Variants in MSN observed in about 807,000 individuals in gnomAD.
MSN encodes epididymis luminal protein 70.
In MSN, 2 loss-of-function variants were observed where a neutral mutation model predicts 48.0. That is an observed-to-expected ratio of 0.04 (90% CI 0.02 to 0.13). The LOEUF (loss-of-function observed/expected upper bound fraction) is 0.13, where lower values mean the gene tolerates loss of function less well. Ranked by LOEUF, MSN falls within the 10% of genes least tolerant of loss-of-function variation. The pLI is 1.00. For synonymous variants in MSN, 146 were observed against 166.9 expected (o/e 0.87, Z 0.97); for missense variants, 267 against 470.1 (o/e 0.57, Z 3.99).
intron 1 of MSN, among the ~76,000 whole-genome samples, chrX:65,661,628 A>C (rs756926706): frequency 2.7e-5 from 3 of 111,910 alleles, no homozygotes; most frequent in African/African-American, 9.7e-5. Context: ...GGCTTCACAG[A>C]ATTAGTTAGC....
chrX:65,641,568 A>T, intron 1 of MSN, among the ~76,000 whole-genome samples: 1 of 58,963 alleles, frequency 1.7e-5, no homozygotes, highest in East Asian at 6.3e-4. Context: ...ATATATATAT[A>T]TATATATATA....
rs140668252 is a variant in MSN, at chrX:65,596,276, A to G, written c.-22+7664A>G. 4.9e-3 allele frequency among the ~76,000 whole-genome samples: 549 copies of G among 111,365 alleles called. 4 individuals are homozygous for G. Among genetic ancestry groups the G allele is most frequent in the African/African-American group, 0.017 (526 of 30,617 alleles). On this transcript the variant is annotated intron_variant, in intron 1 of 3. Coordinates refer to the MSN transcript ENST00000609672. ...GGACCCCAGTGTCTTGGAATTAAAT[A>G]ACAGAGGTAGGGATGCAGTCCTTGC... is the stretch of plus-strand genomic sequence containing the variant.
In MSN at chrX:65,634,855, G is replaced by A. The variant is rs373427281; in HGVS notation, c.-22+46243G>A. ...TGGGCTCACTGCTGCTTGGGCTCAC[G>A]TACCTTGGGGCCTTCTGTCTGTTAT... On this transcript the variant is annotated intron_variant, in intron 1 of 3. Coordinates refer to the MSN transcript ENST00000609672. 5.7e-4 allele frequency among the ~76,000 whole-genome samples: 63 copies of A among 111,106 alleles called. No individual in the cohort carries two copies. The South Asian group carries it at 0.011, about 19-fold the overall frequency.
chrX:65,592,192 CTTTTTTT>C (rs1176549178), intron 1 of MSN, among the ~76,000 whole-genome samples: 9 of 76,901 alleles, frequency 1.2e-4, no homozygotes, highest in East Asian at 4.3e-4. Context: ...CTCTTCATCC[CTTTTTTT>C]TTTTTTTTTT....
At chrX:65,700,139 A>G (rs2071287587) in intron 1 of MSN, among the ~76,000 whole-genome samples, 1 of 111,891 alleles carries the variant, frequency 8.9e-6, no homozygotes, top group Non-Finnish European at 1.9e-5. Flanking sequence ...AAGGAACTAA[A>G]ATTTATGAAA....
intron 1 of MSN, among the ~76,000 whole-genome samples, chrX:65,599,131 A>T (rs1034476846): frequency 9.9e-6 from 1 of 100,934 alleles, no homozygotes; most frequent in Non-Finnish European, 2.0e-5. Context: ...ACTAAAAATT[A>T]AAAAAAAAAA....
At chrX:65,648,733 C>T (rs1199077773) in intron 1 of MSN, among the ~76,000 whole-genome samples, 3 of 103,845 alleles carry the variant, frequency 2.9e-5, no homozygotes, top group African/African-American at 7.1e-5. Flanking sequence ...CGTGGTGGCA[C>T]GCACTTGTAA....
At chrX:65,616,281 GT>G (rs1569454266) in intron 1 of MSN, among the ~76,000 whole-genome samples, 3 of 102,777 alleles carry the variant, frequency 2.9e-5, no homozygotes, top group Admixed American at 1.1e-4. Context: ...CATTGAATCT[GT>G]AAATTACCTT....
At chrX:65,713,966 G>A (rs2071438120) in intron 1 of MSN, among the ~76,000 whole-genome samples, 1 of 111,616 alleles carries the variant, frequency 9.0e-6, no homozygotes, top group Non-Finnish European at 1.9e-5. Flanking sequence ...TTTTAGTAGA[G>A]ATGGGGTTTC....
At chrX:65,685,526 G>A (rs933538717) in intron 1 of MSN, among the ~76,000 whole-genome samples, 2 of 112,281 alleles carry the variant, frequency 1.8e-5, no homozygotes, top group African/African-American at 6.5e-5. Context: ...AGGCTGGTCC[G>A]ATGGTAGTGG....
At chrX:65,635,660 G>A (rs2070592704) in intron 1 of MSN, among the ~76,000 whole-genome samples, 3 of 111,992 alleles carry the variant, frequency 2.7e-5, no homozygotes, top group Non-Finnish European at 3.8e-5. Context: ...GGATGCCAGA[G>A]GATTCACTGA....
intron 8 of MSN, among the ~76,000 whole-genome samples, chrX:65,735,709 G>A (rs960897182): frequency 8.9e-6 from 1 of 112,377 alleles, no homozygotes; most frequent in African/African-American, 3.2e-5. Context: ...AGGTACAAAG[G>A]CCATGTCATT....
At chrX:65,690,513 A>T (rs2071162111) in intron 1 of MSN, among the ~76,000 whole-genome samples, 1 of 111,884 alleles carries the variant, frequency 8.9e-6, no homozygotes, top group African/African-American at 3.3e-5. Context: ...GGGCGTGAGC[A>T]GACCAGTGGT....
intron 1 of MSN, among the ~76,000 whole-genome samples, chrX:65,658,541 C>A (rs1314895250): frequency 3.6e-5 from 4 of 111,686 alleles, no homozygotes; most frequent in African/African-American, 9.8e-5. Flanking sequence ...TGATGGGGAA[C>A]TTTCAATTGC....
chrX:65,703,813 C>A (rs1036788584), intron 1 of MSN, among the ~76,000 whole-genome samples: 1 of 112,095 alleles, frequency 8.9e-6, no homozygotes, highest in Non-Finnish European at 1.9e-5. Flanking sequence ...CTCAAGCGGT[C>A]TGCTTGCCTC....
chrX:65,615,845 C>T (rs1389406829), intron 1 of MSN, among the ~76,000 whole-genome samples: 7 of 111,310 alleles, frequency 6.3e-5, no homozygotes, highest in Admixed American at 9.6e-5. Context: ...TTAGGTCTAA[C>T]GTTTAAGTCT....
intron 12 of MSN, 62 bp downstream of exon 12, chrX:65,739,256 T>A (rs1258573784): frequency 9.7e-7 from 1 of 1,033,083 alleles, no homozygotes; most frequent in African/African-American, 1.8e-5. Flanking sequence ...CCCATGGCAT[T>A]CCCTAGACCA....
chrX:65,617,484 T>A (rs1399812297), intron 1 of MSN, among the ~76,000 whole-genome samples: 1 of 105,751 alleles, frequency 9.5e-6, no homozygotes, highest in Non-Finnish European at 1.9e-5. Flanking sequence ...ATTTTCTAGT[T>A]TATTTGCGTA....
At chrX:65,619,825 C>T (rs2070417058) in intron 1 of MSN, among the ~76,000 whole-genome samples, 1 of 108,545 alleles carries the variant, frequency 9.2e-6, no homozygotes, top group African/African-American at 3.6e-5. Context: ...CGTTTTTTCC[C>T]CATCTTTGTG....
Sources: gnomAD v4.1 joint callset for allele counts (sites outside exome capture counted in the v4.1 genomes callset) on GRCh38, gnomAD v4.1.1 for gene constraint, MANE v1.5 for transcripts, NCBI Gene and HGNC (gene_info 2026-07-23, HGNC 2026-07-21) for gene names.